LARP4: variants seen among roughly 807,000 people sequenced by gnomAD.
LARP4 encodes la-related protein 4.
LARP4 carries 29 observed loss-of-function variants against 92.9 expected under a neutral mutation model. That is an observed-to-expected ratio of 0.31 (90% CI 0.23 to 0.43). The LOEUF (loss-of-function observed/expected upper bound fraction) is 0.43, where lower values mean the gene tolerates loss of function less well. Among genes scored for constraint, LARP4 ranks in the 20% least tolerant of loss-of-function variants. LARP4 has a pLI of 1.00. For synonymous variants in LARP4, 279 were observed against 284.1 expected (o/e 0.98, Z 0.18); for missense variants, 732 against 860.0 (o/e 0.85, Z 1.86).
chr12:50,418,922 A>G (rs12814336), intron 1 of LARP4, among the ~76,000 whole-genome samples: 3,811 of 151,578 alleles, frequency 0.025, 73 homozygotes, highest in Non-Finnish European at 0.038. Flanking sequence ...TGGTCTTCCT[A>G]TGTTGCCAGG....
intron 8 of LARP4, among the ~76,000 whole-genome samples, chr12:50,448,541 T>C (rs1360369902): frequency 6.6e-6 from 1 of 152,208 alleles, no homozygotes; most frequent in Non-Finnish European, 1.5e-5. Context: ...CTTTCCCTTT[T>C]TTTGAGACTG....
chr12:50,463,303 G>A (rs1955688777), intron 12 of LARP4, among the ~76,000 whole-genome samples: 1 of 151,022 alleles, frequency 6.6e-6, no homozygotes, highest in Admixed American at 6.6e-5. Context: ...CTCACCTTTG[G>A]CCAGGCATGG....
chr12:50,472,664 C>A (rs965631294), intron 13 of LARP4, among the ~76,000 whole-genome samples: 5 of 151,980 alleles, frequency 3.3e-5, no homozygotes, highest in Admixed American at 1.3e-4. Flanking sequence ...GGACACCCCC[C>A]ACCCTAGCTA....
chr12:50,414,272 A>G (rs931356099), intron 1 of LARP4, among the ~76,000 whole-genome samples: 1 of 152,090 alleles, frequency 6.6e-6, no homozygotes, highest in African/African-American at 2.4e-5. Flanking sequence ...CAGTATTGTA[A>G]CCTTTCAGGT....
intron 12 of LARP4, among the ~76,000 whole-genome samples, chr12:50,463,430 A>G (rs1453270777): frequency 6.7e-6 from 1 of 148,590 alleles, no homozygotes; most frequent in Non-Finnish European, 1.5e-5. Flanking sequence ...CAAAAAAAAA[A>G]AAAAAAAAAA....
chr12:50,454,689 C>A (rs1255004320), intron 10 of LARP4: 3 of 282,428 alleles, frequency 1.1e-5, no homozygotes. Flanking sequence ...CAGTCTCTGA[C>A]AAATCTGGTG....
intron 1 of LARP4, among the ~76,000 whole-genome samples, chr12:50,404,190 A>T (rs1404141277): frequency 6.6e-6 from 1 of 152,060 alleles, no homozygotes; most frequent in African/African-American, 2.4e-5. Flanking sequence ...TGGCACCACT[A>T]CACTCCAGCC....
intron 1 of LARP4, among the ~76,000 whole-genome samples, chr12:50,418,777 CAT>C (rs1947267537): frequency 6.6e-6 from 1 of 152,122 alleles, no homozygotes. Flanking sequence ...GTAGTACAAT[CAT>C]GTGATCTTGG....
intron 8 of LARP4, among the ~76,000 whole-genome samples, chr12:50,445,512 C>A (rs764855333): frequency 2.0e-5 from 3 of 152,016 alleles, no homozygotes; most frequent in Non-Finnish European, 4.4e-5. Context: ...CAAATACTTG[C>A]CAAAAATTTT....
chr12:50,460,326 T>G (rs1290634415), intron 10 of LARP4, among the ~76,000 whole-genome samples: 1 of 152,088 alleles, frequency 6.6e-6, no homozygotes, highest in African/African-American at 2.4e-5. Flanking sequence ...CAACTTAAAA[T>G]ATATGTATAT....
At chr12:50,401,123 C>G (rs528480074) in intron 1 of LARP4, 95 bp downstream of exon 1, 15 of 1,430,030 alleles carry the variant, frequency 1.0e-5, no homozygotes, top group Non-Finnish European at 1.5e-5. Flanking sequence ...CCGGGCCGTA[C>G]ACGCCGCGGA....
chr12:50,432,877 A>AAT (rs59127860), intron 4 of LARP4, among the ~76,000 whole-genome samples: 1 of 150,378 alleles, frequency 6.6e-6, no homozygotes, highest in Non-Finnish European at 1.5e-5. Flanking sequence ...AAAAAAAAAA[A>AAT]GAAAAGCTGG....
intron 1 of LARP4, among the ~76,000 whole-genome samples, chr12:50,409,828 C>T (rs1169475611): frequency 4.7e-5 from 7 of 150,104 alleles, no homozygotes; most frequent in African/African-American, 1.5e-4. Flanking sequence ...GATGGCGTTT[C>T]GCTCTTATTG....
chr12:50,430,994 G>A (rs1365589197), intron 4 of LARP4, among the ~76,000 whole-genome samples: 4 of 152,152 alleles, frequency 2.6e-5, no homozygotes, highest in Non-Finnish European at 5.9e-5. Context: ...AGGGTCGGGC[G>A]CTGTGGCTCA....
intron 8 of LARP4, among the ~76,000 whole-genome samples, chr12:50,449,011 A>G (rs1157015388): frequency 2.0e-5 from 3 of 151,910 alleles, no homozygotes; most frequent in African/African-American, 2.4e-5. Context: ...GCACTTTGGC[A>G]GGCAGATCAC....
chr12:50,430,729 C>T (rs1376474148), intron 4 of LARP4, among the ~76,000 whole-genome samples, 159 bp downstream of exon 4: 4 of 151,530 alleles, frequency 2.6e-5, no homozygotes, highest in East Asian at 2.0e-4. Flanking sequence ...GGTGTGATCT[C>T]GGCTCACAGC....
chr12:50,436,119 T>TGA (rs1478826174), intron 5 of LARP4, among the ~76,000 whole-genome samples: 14 of 140,614 alleles, frequency 1.0e-4, no homozygotes, highest in Admixed American at 2.9e-4. Context: ...TGTGTGTGTG[T>TGA]GATATGTGTG....
intron 8 of LARP4, among the ~76,000 whole-genome samples, chr12:50,450,523 C>T (rs1952998208): frequency 6.6e-6 from 1 of 152,082 alleles, no homozygotes; most frequent in Non-Finnish European, 1.5e-5. Context: ...GTATGGTTTT[C>T]CTTTCTTCTG....
chr12:50,468,667 G>C (rs1659601694), intron 13 of LARP4, among the ~76,000 whole-genome samples: 1 of 152,088 alleles, frequency 6.6e-6, no homozygotes, highest in South Asian at 2.1e-4. Flanking sequence ...TTCACTTTCT[G>C]AAGCTAAAGA....
Sources: gnomAD v4.1 joint callset for allele counts (sites outside exome capture counted in the v4.1 genomes callset) on GRCh38, gnomAD v4.1.1 for gene constraint, MANE v1.5 for transcripts, NCBI Gene and HGNC (gene_info 2026-07-23, HGNC 2026-07-21) for gene names.